Variants in DAB1 observed in about 807,000 individuals in gnomAD.
DAB1 encodes DAB adaptor protein 1.
Under a neutral mutation model 64.6 loss-of-function variants are expected in DAB1, and 15 were observed. The observed-to-expected ratio is 0.23, with a 90% confidence interval of 0.16 to 0.36. DAB1 has a LOEUF of 0.36. DAB1 is among the 10% of genes least tolerant of loss of function. The probability of loss-of-function intolerance (pLI) is 1.00; values close to 1 mark genes in which losing one functional copy is unlikely to be tolerated. For missense variants in DAB1, 596 were observed against 706.7 expected, an observed-to-expected ratio of 0.84 and a Z score of 1.78; for synonymous variants, 235 against 251.9, an observed-to-expected ratio of 0.93 and a Z score of 0.64.
At chr1:58,210,165 C>T (rs775591190) in intron 4 of DAB1, among the ~76,000 whole-genome samples, 19 of 152,268 alleles carry the variant, frequency 1.2e-4, no homozygotes, top group South Asian at 6.2e-4. Context: ...ACCCTCAAGA[C>T]GTCCGAGATT....
intron 1 of DAB1, among the ~76,000 whole-genome samples, chr1:57,291,927 T>C (rs1214230842): frequency 1.3e-5 from 2 of 152,206 alleles, no homozygotes; most frequent in Non-Finnish European, 2.9e-5. Context: ...TGCCCTTAGC[T>C]ACTGCTTCAC....
At chr1:57,341,094 C>T (rs1677540828) in intron 1 of DAB1, among the ~76,000 whole-genome samples, 3 of 152,142 alleles carry the variant, frequency 2.0e-5, no homozygotes, top group South Asian at 2.1e-4. Flanking sequence ...ATTTTACAGA[C>T]GAGGACATTG....
intron 5 of DAB1, among the ~76,000 whole-genome samples, chr1:57,986,212 C>T (rs915224839): frequency 4.6e-5 from 7 of 152,182 alleles, no homozygotes; most frequent in East Asian, 3.9e-4. Flanking sequence ...TGAATGTTTG[C>T]GTGCCTGCAA....
chr1:58,540,486 T>C (rs1448633013), intron 1 of DAB1, among the ~76,000 whole-genome samples: 5 of 151,848 alleles, frequency 3.3e-5, no homozygotes, highest in Non-Finnish European at 5.9e-5. Flanking sequence ...GTAACTATAC[T>C]GCACATGTTT....
At chr1:58,442,089 C>G (rs545114064) in intron 3 of DAB1, among the ~76,000 whole-genome samples, 56 of 152,296 alleles carry the variant, frequency 3.7e-4, no homozygotes, top group South Asian at 2.5e-3. Flanking sequence ...ACTGGGGTGC[C>G]TCCAGCTTTT....
intron 5 of DAB1, among the ~76,000 whole-genome samples, chr1:58,067,641 T>C (rs34848033): frequency 0.06 from 9,085 of 152,336 alleles, 444 homozygotes; most frequent in African/African-American, 0.13. Flanking sequence ...ATCTATATTA[T>C]TTTGTTAGGA....
chr1:57,882,912 G>GT (rs956305680), intron 1 of DAB1, among the ~76,000 whole-genome samples: 4 of 152,132 alleles, frequency 2.6e-5, no homozygotes, highest in African/African-American at 9.7e-5. Flanking sequence ...ACCGAACCCA[G>GT]TTTTTTTGTC....
At chr1:57,931,789 A>G (rs545295340) in intron 5 of DAB1, among the ~76,000 whole-genome samples, 1 of 152,224 alleles carries the variant, frequency 6.6e-6, no homozygotes, top group East Asian at 1.9e-4. Flanking sequence ...GATCTTTACA[A>G]AGAAAAAGTT....
At chr1:57,020,022 G>C (rs1646562296) in intron 11 of DAB1, among the ~76,000 whole-genome samples, 1 of 152,118 alleles carries the variant, frequency 6.6e-6, no homozygotes, top group Admixed American at 6.5e-5. Context: ...TATCTCATTT[G>C]ATGGATTCAT....
At chr1:57,782,267 A>G (rs553775028) in intron 6 of DAB1, among the ~76,000 whole-genome samples, 4 of 152,308 alleles carry the variant, frequency 2.6e-5, no homozygotes, top group East Asian at 1.9e-4. Flanking sequence ...TTAAGTTCCA[A>G]TCAACCTCAT....
At chr1:57,351,958 A>G (rs1335929169) in intron 1 of DAB1, among the ~76,000 whole-genome samples, 1 of 152,232 alleles carries the variant, frequency 6.6e-6, no homozygotes, top group Non-Finnish European at 1.5e-5. Context: ...CAGAAAGAAA[A>G]TGAAGCAAAG....
intron 6 of DAB1, among the ~76,000 whole-genome samples, chr1:57,775,867 A>G (rs1649773363): frequency 6.6e-6 from 1 of 151,686 alleles, no homozygotes; most frequent in South Asian, 2.1e-4. Context: ...TTTTTGCTTC[A>G]TGTATTTTGA....
At chr1:58,427,573 A>G (rs1277915004) in intron 3 of DAB1, among the ~76,000 whole-genome samples, 3 of 152,200 alleles carry the variant, frequency 2.0e-5, no homozygotes, top group Non-Finnish European at 4.4e-5. Flanking sequence ...TTTTGAAAAC[A>G]GAGCCAGCAG....
chr1:57,359,041 C>T (rs763287410), intron 1 of DAB1, among the ~76,000 whole-genome samples: 2 of 151,980 alleles, frequency 1.3e-5, no homozygotes, highest in Non-Finnish European at 2.9e-5. Context: ...CTGGATTCGG[C>T]AAGGACTTTT....
At chr1:58,526,108 A>G (rs1479520263) in intron 2 of DAB1, among the ~76,000 whole-genome samples, 1 of 152,128 alleles carries the variant, frequency 6.6e-6, no homozygotes, top group Non-Finnish European at 1.5e-5. Context: ...AGATTTCCTA[A>G]CCAGAACACA....
At chr1:58,065,651 G>A (rs552863743) in intron 5 of DAB1, among the ~76,000 whole-genome samples, 4 of 152,230 alleles carry the variant, frequency 2.6e-5, no homozygotes, top group South Asian at 2.1e-4. Flanking sequence ...TCAAGTTGGC[G>A]GGCTCCCCTG....
At chr1:57,403,810 T>A (rs1683427200) in intron 1 of DAB1, among the ~76,000 whole-genome samples, 1 of 152,186 alleles carries the variant, frequency 6.6e-6, no homozygotes, top group African/African-American at 2.4e-5. Context: ...ACGGGGCCAT[T>A]TAAAGTAAAA....
intron 7 of DAB1, among the ~76,000 whole-genome samples, chr1:57,541,167 C>T (rs1375626682): frequency 6.7e-6 from 1 of 148,736 alleles, no homozygotes; most frequent in Non-Finnish European, 1.5e-5. Flanking sequence ...CTTGCTCTGT[C>T]ACCCAGGCTG....
intron 7 of DAB1, among the ~76,000 whole-genome samples, chr1:57,511,874 C>CT (rs1644409273): frequency 6.6e-6 from 1 of 152,184 alleles, no homozygotes; most frequent in Non-Finnish European, 1.5e-5. Flanking sequence ...CCGTGAGTTG[C>CT]TATACCCCAG....
Sources: allele counts gnomAD v4.1 joint callset (sites outside exome capture counted in the v4.1 genomes callset), GRCh38; gene constraint gnomAD v4.1.1; transcripts MANE v1.5; gene names NCBI Gene and HGNC (gene_info 2026-07-23, HGNC 2026-07-21).